Variants in PKN2 observed in about 807,000 individuals in gnomAD.
PKN2 encodes the protein serine/threonine-protein kinase N2.
In PKN2, 38 loss-of-function variants were observed where a neutral mutation model predicts 119.1. The observed-to-expected ratio is 0.32, with a 90% CI of 0.25 to 0.42. PKN2 has a LOEUF of 0.42. PKN2 is among the 10% of genes least tolerant of loss of function. The probability of loss-of-function intolerance (pLI) is 1.00; values close to 1 mark genes in which losing one functional copy is unlikely to be tolerated. For synonymous variants in PKN2, 390 were observed against 384.9 expected, an observed-to-expected ratio of 1.01 and a Z score of -0.15; for missense variants, 850 against 1,165.1, an observed-to-expected ratio of 0.73 and a Z score of 3.94.
At chr1:88,830,074 C>G (rs568911083) in intron 19 of PKN2, among the ~76,000 whole-genome samples, 50 of 152,238 alleles carry the variant, frequency 3.3e-4, no homozygotes, top group South Asian at 6.2e-4. Context: ...AAGCTCAGTA[C>G]TGATCTTCTG....
At chr1:88,742,552 C>T (rs1439084615) in intron 2 of PKN2, among the ~76,000 whole-genome samples, 1 of 151,792 alleles carries the variant, frequency 6.6e-6, no homozygotes, top group East Asian at 1.9e-4. Flanking sequence ...TCAGAATCAC[C>T]AATCTAGTTA....
At chr1:88,820,613 A>G (rs935281176) in intron 16 of PKN2, among the ~76,000 whole-genome samples, 1 of 152,120 alleles carries the variant, frequency 6.6e-6, no homozygotes, top group Non-Finnish European at 1.5e-5. Context: ...AAACATAGCT[A>G]TATTATCTAC....
At chr1:88,784,360 C>T (rs1670483320) in intron 6 of PKN2, among the ~76,000 whole-genome samples, 1 of 151,860 alleles carries the variant, frequency 6.6e-6, no homozygotes, top group African/African-American at 2.4e-5. Context: ...TAAATTCAGG[C>T]AATCCACCCA....
At chr1:88,691,201 C>T (rs1666322150) in intron 1 of PKN2, among the ~76,000 whole-genome samples, 1 of 151,998 alleles carries the variant, frequency 6.6e-6, no homozygotes, top group South Asian at 2.1e-4. Flanking sequence ...GTAGCTGGTA[C>T]TATAGGTGTG....
chr1:88,820,685 T>A (rs192711487), intron 16 of PKN2, among the ~76,000 whole-genome samples: 13 of 152,306 alleles, frequency 8.5e-5, no homozygotes, highest in African/African-American at 2.4e-4. Context: ...AATTGTTATC[T>A]GTATGAACGG....
At chr1:88,762,146 A>G (rs1242039654) in intron 3 of PKN2, among the ~76,000 whole-genome samples, 1 of 152,214 alleles carries the variant, frequency 6.6e-6, no homozygotes, top group African/African-American at 2.4e-5. Context: ...CTTATTCTCA[A>G]AGTGGTCTTT....
intron 16 of PKN2, among the ~76,000 whole-genome samples, chr1:88,818,124 G>T (rs563783009): frequency 6.4e-4 from 98 of 152,158 alleles, no homozygotes; most frequent in Non-Finnish European, 1.1e-3. Context: ...GCTACAAAGA[G>T]AATAAAATAC....
intron 6 of PKN2, chr1:88,781,177 G>C (rs1400021465): frequency 1.3e-5 from 16 of 1,276,276 alleles, no homozygotes; most frequent in Non-Finnish European, 1.6e-5. Context: ...AGCATTTGCT[G>C]TTCTGAATTT....
rs148655911 is a variant in PKN2 at position 88,815,237 on chromosome 1, A to G, written c.2279+1504A>G. 6.6e-5 allele frequency among the ~76,000 whole-genome samples: 10 copies of G among 152,366 alleles called. 1 individual carries two copies. The East Asian group carries it at 7.7e-4, about 12-fold the overall frequency. ...GTTATTTTTGCTGAGAATATAAATT[A>G]TATACAAATAAAACCATAAAGTCCA... On this transcript the variant is annotated intron_variant, in intron 16 of 21. Coordinates refer to ENST00000370521, the MANE Select transcript of PKN2 (RefSeq NM_006256.4).
intron 2 of PKN2, among the ~76,000 whole-genome samples, chr1:88,757,147 T>A (rs1003564425): frequency 6.6e-6 from 1 of 152,320 alleles, no homozygotes; most frequent in Admixed American, 6.5e-5. Context: ...TAGAAACCTT[T>A]CCTGAATTGA....
intron 12 of PKN2, among the ~76,000 whole-genome samples, chr1:88,806,485 A>G (rs560010875): frequency 3.3e-5 from 5 of 151,450 alleles, no homozygotes; most frequent in African/African-American, 1.2e-4. Context: ...TATGTTTCTT[A>G]TGGTCTAGTC....
At chr1:88,688,213 G>A (rs1371445458) in intron 1 of PKN2, among the ~76,000 whole-genome samples, 2 of 152,086 alleles carry the variant, frequency 1.3e-5, no homozygotes, top group African/African-American at 4.8e-5. Flanking sequence ...AGCCTCCCAA[G>A]TAGCTGGGAT....
chr1:88,716,316 G>C (rs112012997), intron 1 of PKN2, among the ~76,000 whole-genome samples: 2 of 152,126 alleles, frequency 1.3e-5, no homozygotes, highest in Admixed American at 6.5e-5. Context: ...GGTCTGCTTG[G>C]TGCAGAGCTG....
intron 8 of PKN2, among the ~76,000 whole-genome samples, chr1:88,804,114 G>A (rs1671440846): frequency 6.6e-6 from 1 of 152,148 alleles, no homozygotes; most frequent in South Asian, 2.1e-4. Context: ...ATCTGTATTG[G>A]TTGTTCCCAG....
rs1232938047 is a variant in PKN2 at position 88,828,689 on chromosome 1, A to G, written c.2562+66A>G. 6.5e-6 allele frequency: 9 copies of G among 1,378,632 alleles called. No individual in the cohort carries two copies. The East Asian group carries it at 1.6e-4, about 25-fold the overall frequency. The allele number at this position is 1,378,632 out of a possible 1,614,324, so 85.4% of individuals were successfully genotyped here. ...ATTGAAATAATAAAGCATGTCATTT[A>G]TAAAACCACCTAATACTGTCTTCAG... is the stretch of plus-strand genomic sequence containing the variant. On this transcript the variant is annotated intron_variant, in intron 19 of 21. Transcript: ENST00000370521.
chr1:88,796,558 T>C (rs1346638023), intron 8 of PKN2, among the ~76,000 whole-genome samples: 1 of 152,222 alleles, frequency 6.6e-6, no homozygotes, highest in Non-Finnish European at 1.5e-5. Flanking sequence ...TCCTTACCTT[T>C]GTATGTTTTT....
chr1:88,820,423 C>T (rs931172979), intron 16 of PKN2, among the ~76,000 whole-genome samples: 2 of 150,358 alleles, frequency 1.3e-5, no homozygotes, highest in Non-Finnish European at 3.0e-5. Flanking sequence ...ATCCCAGCTA[C>T]TCAGGAGGCT....
intron 16 of PKN2, among the ~76,000 whole-genome samples, chr1:88,814,517 TC>T (rs1159355597): frequency 6.6e-6 from 1 of 152,152 alleles, no homozygotes; most frequent in African/African-American, 2.4e-5. Flanking sequence ...AACTTCCAAC[TC>T]TAATAATATT....
At chr1:88,730,812 A>G (rs768176325) in intron 1 of PKN2, among the ~76,000 whole-genome samples, 8 of 152,250 alleles carry the variant, frequency 5.3e-5, no homozygotes, top group Non-Finnish European at 1.0e-4. Context: ...AGACTTAAAA[A>G]TAATATGGTC....
Sources: allele counts gnomAD v4.1 joint callset (sites outside exome capture counted in the v4.1 genomes callset), GRCh38; gene constraint gnomAD v4.1.1; transcripts MANE v1.5; gene names NCBI Gene and HGNC (gene_info 2026-07-23, HGNC 2026-07-21).